TYW1B: variants seen among roughly 807,000 people sequenced by gnomAD.
TYW1B encodes tRNA-yW synthesizing protein 1 homolog B.
In TYW1B, 73 loss-of-function variants were observed where a neutral mutation model predicts 86.9. The ratio of observed to expected loss-of-function variants is 0.84; its 90% CI spans 0.70 to 1.02. TYW1B has a LOEUF of 1.02. Among genes scored for constraint, TYW1B ranks in the 50% least tolerant of loss-of-function variants. The pLI is 0.00. For missense variants in TYW1B, 637 were observed against 827.4 expected (o/e 0.77, Z 2.82); for synonymous variants, 248 against 292.8 (o/e 0.85, Z 1.56).
At chr7:72,637,330 T>G (rs557812349) in intron 11 of TYW1B, among the ~76,000 whole-genome samples, 3 of 151,794 alleles carry the variant, frequency 2.0e-5, no homozygotes, top group Non-Finnish European at 2.9e-5. Context: ...CAATTATAAG[T>G]CCATGTAGAT....
chr7:72,687,122 A>C (rs1462752526), intron 11 of TYW1B, among the ~76,000 whole-genome samples: 1 of 152,196 alleles, frequency 6.6e-6, no homozygotes, highest in Non-Finnish European at 1.5e-5. Flanking sequence ...CTGTTTATCA[A>C]GCAATATTAA....
At position 72,632,388 on chromosome 7, in the gene TYW1B, G is replaced by GTA. The variant is rs565541864; in HGVS notation, c.1507-3393_1507-3392dup. The stretch of plus-strand genomic sequence containing the variant: ...ATACGCATATATATTATATATATAC[G>GTA]TATATATATATAATATATATATACA... On this transcript the variant is annotated intron_variant, in intron 11 of 13. Transcript: ENST00000620995. Among the ~76,000 whole-genome samples the GTA allele has an allele frequency of 5.3e-4, 37 of 70,322 alleles. 1 individual carries two copies. Among genetic ancestry groups the GTA allele is most frequent in the African/African-American group, 8.9e-4 (11 of 12,410 alleles). 46.1% of individuals were successfully genotyped at this position (70,322 alleles called of 152,430 possible).
chr7:72,619,888 G>C (rs1355638555), intron 12 of TYW1B, among the ~76,000 whole-genome samples: 1 of 152,088 alleles, frequency 6.6e-6, no homozygotes, highest in Non-Finnish European at 1.5e-5. Context: ...AGAGTTGTTA[G>C]ATAAGATCTT....
chr7:72,729,840 A>C (rs1787071857), intron 8 of TYW1B, among the ~76,000 whole-genome samples: 1 of 152,122 alleles, frequency 6.6e-6, no homozygotes, highest in South Asian at 2.1e-4. Context: ...CAGAAATAGC[A>C]CAAGCTCCCC....
chr7:72,786,150 G>A (rs1200482351), intron 6 of TYW1B, among the ~76,000 whole-genome samples: 1 of 151,934 alleles, frequency 6.6e-6, no homozygotes, highest in Non-Finnish European at 1.5e-5. Flanking sequence ...AAAAGAAAAA[G>A]AAAAGCCAAA....
intron 12 of TYW1B, among the ~76,000 whole-genome samples, chr7:72,618,084 T>C (rs1432483163): frequency 1.3e-5 from 2 of 151,908 alleles, no homozygotes; most frequent in African/African-American, 2.4e-5. Context: ...AAGTGGGGAA[T>C]AACTGGGAGG....
chr7:72,632,285 G>GTATATATATATATATATATATATTATATA (rs1239640717), intron 11 of TYW1B, among the ~76,000 whole-genome samples: 1 of 83,568 alleles, frequency 1.2e-5, no homozygotes, highest in African/African-American at 7.2e-5. Flanking sequence ...ATATATACGT[G>GTATATATATATATATATATATATTATATA]TATATATATA....
At chr7:72,601,467 C>CTGTCTT (rs1435004071) in intron 13 of TYW1B, among the ~76,000 whole-genome samples, 5 of 151,982 alleles carry the variant, frequency 3.3e-5, no homozygotes, top group African/African-American at 9.7e-5. Flanking sequence ...CAGTTTTTTA[C>CTGTCTT]AACACTTAAC....
At chr7:72,590,686 C>A (rs1203115136) in intron 13 of TYW1B, among the ~76,000 whole-genome samples, 1 of 152,082 alleles carries the variant, frequency 6.6e-6, no homozygotes, top group Non-Finnish European at 1.5e-5. Context: ...CAAAACAAAG[C>A]AAAACAAAAC....
intron 3 of TYW1B, among the ~76,000 whole-genome samples, chr7:72,812,796 A>G (rs1554478640): frequency 6.6e-6 from 1 of 151,690 alleles, no homozygotes; most frequent in African/African-American, 2.4e-5. Flanking sequence ...CCCGAGTTTA[A>G]GCAATTCTCA....
chr7:72,672,379 T>G (rs1813626830), intron 11 of TYW1B, among the ~76,000 whole-genome samples: 1 of 151,488 alleles, frequency 6.6e-6, no homozygotes, highest in Admixed American at 6.6e-5. Flanking sequence ...AAATGATGAT[T>G]CACAAAAAAA....
At chr7:72,790,400 C>T (rs1788201098) in intron 6 of TYW1B, among the ~76,000 whole-genome samples, 1 of 152,128 alleles carries the variant, frequency 6.6e-6, no homozygotes, top group Non-Finnish European at 1.5e-5. Flanking sequence ...ACCACAGAGG[C>T]AATCAATTAA....
chr7:72,679,051 G>A (rs35616101), intron 11 of TYW1B, among the ~76,000 whole-genome samples: 4 of 151,738 alleles, frequency 2.6e-5, no homozygotes, highest in South Asian at 2.1e-4. Flanking sequence ...GCAGTGAGCC[G>A]TGATGGCACC....
intron 8 of TYW1B, among the ~76,000 whole-genome samples, chr7:72,738,908 CAAAAAAAAA>C (rs1304858653): frequency 6.8e-6 from 1 of 146,846 alleles, no homozygotes; most frequent in Admixed American, 6.9e-5. Context: ...CTGTCTCTAT[CAAAAAAAAA>C]AAAAAATAAT....
intron 11 of TYW1B, among the ~76,000 whole-genome samples, chr7:72,656,565 G>A (rs1197281041): frequency 6.6e-6 from 1 of 151,904 alleles, no homozygotes; most frequent in Non-Finnish European, 1.5e-5. Flanking sequence ...CTGAGATCGA[G>A]ATCGCGCCAC....
chr7:72,705,170 G>A (rs1337440388), intron 10 of TYW1B, among the ~76,000 whole-genome samples: 1 of 152,084 alleles, frequency 6.6e-6, no homozygotes, highest in Non-Finnish European at 1.5e-5. Context: ...GCTGTTTTCT[G>A]GAACCATTCT....
At chr7:72,646,245 T>C (rs1375567121) in intron 11 of TYW1B, among the ~76,000 whole-genome samples, 1 of 151,902 alleles carries the variant, frequency 6.6e-6, no homozygotes, top group Non-Finnish European at 1.5e-5. Context: ...AATTTTTTTG[T>C]AGAGATGGGG....
chr7:72,789,661 G>A (rs1352577544), intron 6 of TYW1B, among the ~76,000 whole-genome samples: 6 of 151,936 alleles, frequency 3.9e-5, no homozygotes, highest in African/African-American at 1.4e-4. Context: ...TTTATTAATA[G>A]AGACAGAGTG....
intron 7 of TYW1B, among the ~76,000 whole-genome samples, chr7:72,774,608 G>A (rs1787923104): frequency 6.6e-6 from 1 of 152,034 alleles, no homozygotes. Context: ...AGTTACTCAG[G>A]AGGCTGAGGC....
Sources: gnomAD v4.1 joint callset for allele counts (sites outside exome capture counted in the v4.1 genomes callset) on GRCh38, gnomAD v4.1.1 for gene constraint, MANE v1.5 for transcripts, NCBI Gene and HGNC (gene_info 2026-07-23, HGNC 2026-07-21) for gene names.